The following SCOC variants were observed in gnomAD, a reference collection of about 807,000 sequenced individuals.
The protein encoded by SCOC is short coiled-coil protein, also known as short coiled coil protein.
SCOC carries 7 observed loss-of-function variants against 9.9 expected under a neutral mutation model. That is an observed-to-expected ratio of 0.71 (90% CI 0.40 to 1.33). The LOEUF is 1.33. SCOC is among the 40% of genes most tolerant of loss of function. The pLI, the probability that SCOC is intolerant of heterozygous loss-of-function variation, is 0.01. For missense variants in SCOC, 66 were observed against 89.7 expected (o/e 0.74, Z 1.07); for synonymous variants, 19 against 28.2 (o/e 0.67, Z 1.03).
At chr4:140,263,564 C>T (rs1238251258) in intron 1 of SCOC, among the ~76,000 whole-genome samples, 4 of 152,018 alleles carry the variant, frequency 2.6e-5, no homozygotes, top group Non-Finnish European at 2.9e-5. Context: ...ATCACTATAC[C>T]CAGTGGTCTG....
chr4:140,356,070 A>C (rs142809903), intron 2 of SCOC, among the ~76,000 whole-genome samples: 1 of 152,230 alleles, frequency 6.6e-6, no homozygotes, highest in Non-Finnish European at 1.5e-5. Flanking sequence ...TAGGAAAAAT[A>C]AAATGGAGAA....
chr4:140,325,486 A>T (rs907135109), intron 1 of SCOC, among the ~76,000 whole-genome samples: 9 of 152,216 alleles, frequency 5.9e-5, no homozygotes, highest in Non-Finnish European at 1.2e-4. Context: ...GACATGTTAA[A>T]ACTCAGTAAT....
rs193232523 is a variant in SCOC, at chr4:140,320,453, G to A, written c.-18-23168G>A. Among the ~76,000 whole-genome samples, 543 of 152,146 alleles carry A rather than the reference G, an allele frequency of 3.6e-3. 2 individuals are homozygous for A. The highest frequency in any genetic ancestry group is 4.9e-3 in the Non-Finnish European group (331 of 68,010). On this transcript the variant is annotated intron_variant, in intron 1 of 4. Transcript: ENST00000394205. ...TGCTTTCACTTTACTGTATGGACTT[G>A]CCCTAAATTCTTTCTTGCACAAGAT...
rs139797740 is a variant in SCOC at position 140,273,436 on chromosome 4, C to T, written c.-19+16026C>T. ...AAAGATATTTTTTTCTTTTACACAT[C>T]TTTTTTTTTCTTTCTGATCATTTCT... On this transcript the variant is annotated intron_variant, in intron 1 of 4. Transcript: ENST00000394205. 3.3e-3 allele frequency among the ~76,000 whole-genome samples: 497 copies of T among 151,502 alleles called. 5 individuals are homozygous for T. Among genetic ancestry groups the T allele is most frequent in the African/African-American group, 0.012 (477 of 41,352 alleles).
intron 1 of SCOC, among the ~76,000 whole-genome samples, chr4:140,316,890 A>G (rs944822752): frequency 6.6e-6 from 1 of 152,222 alleles, no homozygotes; most frequent in Non-Finnish European, 1.5e-5. Flanking sequence ...TTTATTTTCT[A>G]GAAATCAATT....
intron 1 of SCOC, among the ~76,000 whole-genome samples, chr4:140,320,618 A>C (rs1025480937): frequency 3.2e-4 from 48 of 152,310 alleles, no homozygotes; most frequent in Non-Finnish European, 5.7e-4. Flanking sequence ...AGGAGCTCAC[A>C]GGGTAGATCA....
In SCOC at chr4:140,381,336, A is replaced by G; in HGVS notation, c.*232A>G. ...AGAGACTTTATGATTAGAATTGCAT[A>G]TATTTATGAAACTTAAAGATGAATG... On this transcript the variant is annotated 3_prime_UTR_variant, in exon 4 of 4. Transcript: ENST00000608372. The G allele has an allele frequency of 3.1e-6, 1 of 325,820 alleles. No individual in the cohort carries two copies. Among genetic ancestry groups the G allele is most frequent in the Non-Finnish European group, 5.6e-6 (1 of 177,496 alleles). The allele number at this position is 325,820 out of a possible 1,614,324, so 20.2% of individuals were successfully genotyped here. A position where few individuals can be genotyped will look rare whatever the true frequency, so the allele number is the denominator to read the frequency against.
At chr4:140,295,737 C>T (rs1032446039) in intron 1 of SCOC, among the ~76,000 whole-genome samples, 1 of 151,488 alleles carries the variant, frequency 6.6e-6, no homozygotes, top group Admixed American at 6.6e-5. Context: ...GTCAGGAGAT[C>T]GAGACCACGA....
chr4:140,338,554 C>A (rs994901766), upstream of SCOC, among the ~76,000 whole-genome samples: 2 of 147,976 alleles, frequency 1.4e-5, no homozygotes, highest in Non-Finnish European at 3.0e-5. Flanking sequence ...AAAACCCCAT[C>A]GTCTCAGCCC....
intron 1 of SCOC, chr4:140,284,499 C>G (rs995919868): frequency 3.9e-5 from 6 of 152,062 alleles, no homozygotes; most frequent in African/African-American, 1.2e-4. Flanking sequence ...ATTTTTGCCT[C>G]TGGGAGAAGG....
At chr4:140,285,960 A>AC (rs1191405051) in intron 1 of SCOC, among the ~76,000 whole-genome samples, 1 of 152,074 alleles carries the variant, frequency 6.6e-6, no homozygotes, top group Non-Finnish European at 1.5e-5. Context: ...TGAGGCAGGT[A>AC]CATCACCTGA....
intron 1 of SCOC, among the ~76,000 whole-genome samples, chr4:140,328,172 C>A (rs928437686): frequency 6.6e-6 from 1 of 152,208 alleles, no homozygotes; most frequent in Non-Finnish European, 1.5e-5. Flanking sequence ...GCTCTTCTTA[C>A]TGACACACTT....
At chr4:140,314,026 G>T (rs1732236813) in intron 1 of SCOC, 2 of 151,940 alleles carry the variant, frequency 1.3e-5, no homozygotes, top group African/African-American at 4.8e-5. Context: ...CTACCTTGGA[G>T]GCTGAGATGG....
intron 1 of SCOC, among the ~76,000 whole-genome samples, chr4:140,331,159 G>A (rs1732805400): frequency 1.3e-5 from 2 of 152,118 alleles, no homozygotes; most frequent in Non-Finnish European, 2.9e-5. Flanking sequence ...TCTTTGATAA[G>A]GACAATAGCA....
chr4:140,265,008 G>GC (rs1365609640), intron 1 of SCOC, among the ~76,000 whole-genome samples: 2 of 152,106 alleles, frequency 1.3e-5, no homozygotes, highest in Non-Finnish European at 2.9e-5. Flanking sequence ...GCGTAGCTAT[G>GC]CCTGGGCGTG....
At chr4:140,310,312 T>C (rs912249393) in intron 1 of SCOC, among the ~76,000 whole-genome samples, 2 of 152,206 alleles carry the variant, frequency 1.3e-5, no homozygotes, top group Non-Finnish European at 2.9e-5. Flanking sequence ...AATAGGCTTC[T>C]GCTGCTTCTC....
In SCOC at chr4:140,381,234, C is replaced by A; in HGVS notation, c.*130C>A. 2.4e-6 allele frequency: 2 copies of A among 828,716 alleles called. No individual in the cohort carries two copies. The highest frequency in any genetic ancestry group is 3.6e-6 in the Non-Finnish European group (2 of 553,868). The allele number at this position is 828,716 out of a possible 1,614,324, so 51.3% of individuals were successfully genotyped here. On this transcript the variant is annotated 3_prime_UTR_variant, in exon 4 of 4. Coordinates refer to ENST00000608372, the MANE Select transcript of SCOC (RefSeq NM_001153484.2). ...TTATGAAGATAATGTCAGATGTAGA[C>A]AAAAATAACACAATAACAGGAGACT...
intron 1 of SCOC, among the ~76,000 whole-genome samples, chr4:140,300,502 CA>C (rs1419892033): frequency 6.6e-6 from 1 of 152,208 alleles, no homozygotes; most frequent in Non-Finnish European, 1.5e-5. Context: ...TAAAGAATGC[CA>C]GCTTCATCAC....
At chr4:140,322,618 C>G (rs974048250) in intron 1 of SCOC, among the ~76,000 whole-genome samples, 1 of 152,132 alleles carries the variant, frequency 6.6e-6, no homozygotes, top group Non-Finnish European at 1.5e-5. Context: ...AATCTCGAAG[C>G]TGAGAAGTAT....
Sources: allele counts gnomAD v4.1 joint callset (sites outside exome capture counted in the v4.1 genomes callset), GRCh38; gene constraint gnomAD v4.1.1; transcripts MANE v1.5; gene names NCBI Gene and HGNC (gene_info 2026-07-23, HGNC 2026-07-21).